TRAK1: variants seen among roughly 807,000 people sequenced by gnomAD.
The protein encoded by TRAK1 is trafficking kinesin-binding protein 1.
Under a neutral mutation model 92.1 loss-of-function variants are expected in TRAK1, and 33 were observed. The observed-to-expected ratio is 0.36, with a 90% CI of 0.27 to 0.48. The LOEUF is 0.48. TRAK1 is among the 20% of genes least tolerant of loss of function. The pLI, the probability that TRAK1 is intolerant of heterozygous loss-of-function variation, is 0.99. For synonymous variants in TRAK1, 521 were observed against 517.3 expected (o/e 1.01, Z -0.10); for missense variants, 1,123 against 1,257.9 (o/e 0.89, Z 1.62).
rs190119800 is a variant in TRAK1 at position 42,164,048 on chromosome 3, G to C, written c.287-12766G>C. ...GAAAGATAGCAACTTAGAAAGTTTGGTGTCATGGCCAGTTTTGCTGGAAAC... is the reference window on the plus strand; with the variant it reads ...GAAAGATAGCAACTTAGAAAGTTTGCTGTCATGGCCAGTTTTGCTGGAAAC... On this transcript the variant is annotated intron_variant, in intron 2 of 15. Coordinates refer to ENST00000327628, the MANE Select transcript of TRAK1 (RefSeq NM_001042646.3). Among the ~76,000 whole-genome samples, 17 of 152,278 alleles carry C rather than the reference G, an allele frequency of 1.1e-4. No homozygotes were observed. In the East Asian group the frequency reaches 3.3e-3, roughly 29 times the overall value.
intron 1 of TRAK1, among the ~76,000 whole-genome samples, chr3:42,071,155 T>C (rs1703915709): frequency 6.6e-6 from 1 of 152,212 alleles, no homozygotes; most frequent in Non-Finnish European, 1.5e-5. Context: ...GAGTCATGAT[T>C]TTTTAAAAGC....
intron 1 of TRAK1, among the ~76,000 whole-genome samples, chr3:42,032,815 C>G (rs1197548323): frequency 6.6e-6 from 1 of 152,112 alleles, no homozygotes. Flanking sequence ...TCCAGCTACT[C>G]AGAGGCCGAG....
At chr3:42,195,535 G>C (rs1576938858) in intron 10 of TRAK1, among the ~76,000 whole-genome samples, 2 of 152,022 alleles carry the variant, frequency 1.3e-5, no homozygotes, top group Non-Finnish European at 2.9e-5. Flanking sequence ...TTCTGAAATT[G>C]GCCTTTTCCT....
intron 1 of TRAK1, among the ~76,000 whole-genome samples, chr3:42,073,350 C>T (rs1001345196): frequency 2.6e-5 from 4 of 152,270 alleles, no homozygotes; most frequent in African/African-American, 4.8e-5. Context: ...TCACACACAC[C>T]GTCTTCCAAG....
intron 14 of TRAK1, chr3:42,210,914 G>C (rs1287468489): frequency 1.0e-6 from 1 of 985,284 alleles, no homozygotes; most frequent in Non-Finnish European, 1.2e-6. Flanking sequence ...AGTTGCCACT[G>C]GGATGAAAAG....
chr3:42,194,997 A>G, intron 10 of TRAK1, 56 bp downstream of exon 10: 1 of 1,591,848 alleles, frequency 6.3e-7, no homozygotes, highest in South Asian at 1.1e-5. Context: ...TGACAGGAGC[A>G]CAGTGTCTGA....
chr3:42,099,284 G>A (rs938345888), intron 1 of TRAK1, among the ~76,000 whole-genome samples: 7 of 152,068 alleles, frequency 4.6e-5, no homozygotes, highest in Non-Finnish European at 1.0e-4. Context: ...GGGCATAGGC[G>A]GGGGTAACCC....
Position 42,224,241 on chromosome 3 carries a change from A to T in TRAK1, c.*504A>T, listed in dbSNP as rs1335735913. On this transcript the variant is annotated 3_prime_UTR_variant, in exon 16 of 16. Transcript: ENST00000327628. ...CTCCATCCTCAGCCACGTGCAGCTG[A>T]CGTGGCTTTCCTGATCGGAGGGCTT... 8 of 359,176 alleles carry T rather than the reference A, an allele frequency of 2.2e-5. No individual in the cohort carries two copies. The highest frequency in any genetic ancestry group is 1.6e-4 in the African/African-American group (7 of 44,640). 22.2% of individuals were successfully genotyped at this position (359,176 alleles called of 1,614,324 possible). A position where few individuals can be genotyped will look rare whatever the true frequency, so the allele number is the denominator to read the frequency against.
chr3:42,201,927 C>CACAT, intron 12 of TRAK1, among the ~76,000 whole-genome samples: 1 of 150,568 alleles, frequency 6.6e-6, no homozygotes, highest in African/African-American at 2.4e-5. Context: ...CACACACACA[C>CACAT]ACACCATTGT....
At position 42,125,508 on chromosome 3, in the gene TRAK1, C is replaced by T. The variant is rs1199909257; in HGVS notation, c.180C>T (p.Thr60=). 4.3e-6 allele frequency: 7 copies of T among 1,614,110 alleles called. No individual in the cohort carries two copies. The highest frequency in any genetic ancestry group is 5.9e-6 in the Non-Finnish European group (7 of 1,180,048). ...QLPHYKLRAD[T]IYGYDHDDWL... ...CCCATTATAAGTTAAGAGCCGACAC[C>T]ATCTACGGTTATGACCACGACGACT... The change falls in exon 2 of 16, where the codon ACC becomes ACT. Residue 60 remains threonine, a synonymous_variant. Transcript: ENST00000327628.
chr3:42,053,371 C>CGGGGG (rs1224725133), intron 1 of TRAK1, among the ~76,000 whole-genome samples: 1 of 1,102 alleles, frequency 9.1e-4, no homozygotes, highest in Non-Finnish European at 1.9e-3. Context: ...CATTCAGAGT[C>CGGGGG]GGGTGGGGGG....
At chr3:42,024,889 T>TA (rs1436951856) in intron 1 of TRAK1, among the ~76,000 whole-genome samples, 1 of 152,194 alleles carries the variant, frequency 6.6e-6, no homozygotes, top group East Asian at 1.9e-4. Context: ...GAGTGAGAGA[T>TA]CCCAGATTTT....
At chr3:42,095,509 C>T (rs1054711715) in intron 1 of TRAK1, among the ~76,000 whole-genome samples, 2 of 152,170 alleles carry the variant, frequency 1.3e-5, no homozygotes, top group Non-Finnish European at 2.9e-5. Flanking sequence ...AGCTCTCACT[C>T]TACCATCAGT....
chr3:42,218,034 C>T (rs1577065333), intron 14 of TRAK1: 13 of 985,224 alleles, frequency 1.3e-5, no homozygotes, highest in African/African-American at 3.5e-5. Context: ...CTGGCTGTCA[C>T]GTCAGGTGCC....
At chr3:42,118,417 C>G (rs1709444986) in intron 1 of TRAK1, among the ~76,000 whole-genome samples, 1 of 152,196 alleles carries the variant, frequency 6.6e-6, no homozygotes, top group Non-Finnish European at 1.5e-5. Context: ...ATGAGGTTCT[C>G]TGAGTGTTAA....
chr3:42,015,167 C>G (rs547268974), intron 1 of TRAK1, among the ~76,000 whole-genome samples: 2 of 152,252 alleles, frequency 1.3e-5, no homozygotes, highest in East Asian at 3.9e-4. Context: ...TCCCCTCTGT[C>G]TCTCGGTTTG....
chr3:42,139,501 C>T (rs992561205), intron 2 of TRAK1, among the ~76,000 whole-genome samples: 2 of 152,116 alleles, frequency 1.3e-5, no homozygotes, highest in Non-Finnish European at 2.9e-5. Context: ...CAAAGGCAGC[C>T]TCATACCAGG....
At chr3:42,214,950 A>T (rs1205198925) in intron 14 of TRAK1, among the ~76,000 whole-genome samples, 1 of 152,240 alleles carries the variant, frequency 6.6e-6, no homozygotes, top group African/African-American at 2.4e-5. Context: ...TGTATTTTTT[A>T]AAACAAGAAA....
At chr3:42,158,852 G>A (rs1465022960) in intron 2 of TRAK1, among the ~76,000 whole-genome samples, 2 of 150,050 alleles carry the variant, frequency 1.3e-5, no homozygotes, top group Non-Finnish European at 3.0e-5. Flanking sequence ...CCAGCTACTC[G>A]GGAGACTGAG....
Sources: gnomAD v4.1 joint callset for allele counts (sites outside exome capture counted in the v4.1 genomes callset) on GRCh38, gnomAD v4.1.1 for gene constraint, MANE v1.5 for transcripts, NCBI Gene and HGNC (gene_info 2026-07-23, HGNC 2026-07-21) for gene names.